PPARGC1A: variants seen among roughly 807,000 people sequenced by gnomAD.
The protein encoded by PPARGC1A is PPARG coactivator 1 alpha, also known as peroxisome proliferator-activated receptor gamma coactivator 1-alpha.
In PPARGC1A, 25 loss-of-function variants were observed where a neutral mutation model predicts 88.7. The observed-to-expected ratio is 0.28, with a 90% CI of 0.21 to 0.39. The LOEUF is 0.39. Ranked by LOEUF, PPARGC1A falls within the 10% of genes least tolerant of loss-of-function variation. The pLI is 1.00. For synonymous variants in PPARGC1A, 363 were observed against 355.6 expected (o/e 1.02, Z -0.24); for missense variants, 880 against 968.7 (o/e 0.91, Z 1.22).
the PPARGC1A span, among the ~76,000 whole-genome samples, chr4:23,936,776 C>G: frequency 2.0e-5 from 3 of 152,084 alleles, no homozygotes; most frequent in African/African-American, 7.2e-5. Flanking sequence ...GAGGCTGAGG[C>G]AGGAGAATCG....
At chr4:24,136,354 A>G in the PPARGC1A span, among the ~76,000 whole-genome samples, 1 of 152,196 alleles carries the variant, frequency 6.6e-6, no homozygotes, top group Non-Finnish European at 1.5e-5. Context: ...ATTTCTGAGG[A>G]GCATGGAAAG....
At chr4:23,964,595 T>G in the PPARGC1A span, among the ~76,000 whole-genome samples, 179 of 152,270 alleles carry the variant, frequency 1.2e-3, no homozygotes, top group Non-Finnish European at 2.2e-3. Flanking sequence ...GATCTGGGTC[T>G]CAAAAGAGAA....
At chr4:23,922,478 T>A in the PPARGC1A span, among the ~76,000 whole-genome samples, 1 of 152,218 alleles carries the variant, frequency 6.6e-6, no homozygotes, top group Non-Finnish European at 1.5e-5. Context: ...AACTCCATCA[T>A]GTTTTAAGAG....
At chr4:24,170,150 G>A in the PPARGC1A span, among the ~76,000 whole-genome samples, 1 of 152,208 alleles carries the variant, frequency 6.6e-6, no homozygotes, top group Non-Finnish European at 1.5e-5. Flanking sequence ...AGCAGGTGGT[G>A]CCACCTGTGC....
chr4:23,961,033 C>T, the PPARGC1A span, among the ~76,000 whole-genome samples: 1 of 152,012 alleles, frequency 6.6e-6, no homozygotes, highest in Non-Finnish European at 1.5e-5. Context: ...AAGAAGATGG[C>T]TAAGAGAATG....
At chr4:24,053,489 A>G in the PPARGC1A span, among the ~76,000 whole-genome samples, 2 of 105,072 alleles carry the variant, frequency 1.9e-5, no homozygotes, top group African/African-American at 5.6e-5. Context: ...ATCCTAAGGA[A>G]AAAATGAGGG....
chr4:24,026,861 G>A, the PPARGC1A span, among the ~76,000 whole-genome samples: 4 of 152,248 alleles, frequency 2.6e-5, no homozygotes, highest in South Asian at 2.1e-4. Flanking sequence ...CGCGCTGCAG[G>A]ACTAAATCTC....
At chr4:24,053,024 C>T in the PPARGC1A span, among the ~76,000 whole-genome samples, 11 of 150,322 alleles carry the variant, frequency 7.3e-5, no homozygotes, top group East Asian at 2.0e-4. Flanking sequence ...CCACCACACC[C>T]GGCTAATTTT....
chr4:24,305,570 T>C, the PPARGC1A span, among the ~76,000 whole-genome samples: 9 of 152,156 alleles, frequency 5.9e-5, no homozygotes, highest in Admixed American at 5.9e-4. Context: ...CCCAGCACTT[T>C]GGGAAGCCGA....
Position 23,890,040 on chromosome 4 carries a change from C to T in PPARGC1A, c.-83G>A. 1 of 1,589,386 alleles carries T rather than the reference C, an allele frequency of 6.3e-7. No individual in the cohort carries two copies. Among genetic ancestry groups the T allele is most frequent in the South Asian group, 1.2e-5 (1 of 86,890 alleles). ...GCACACACTCATGCAGGCAACCAGC[C>T]CCTTACTGAGAGTGAACTGAAGGCA... On this transcript the variant is annotated 5_prime_UTR_variant, in exon 1 of 13. Transcript: ENST00000264867.
At chr4:24,039,836 C>T in the PPARGC1A span, among the ~76,000 whole-genome samples, 1 of 152,138 alleles carries the variant, frequency 6.6e-6, no homozygotes, top group Admixed American at 6.6e-5. Flanking sequence ...GTAGCCACAG[C>T]CACTGCTGCC....
the PPARGC1A span, among the ~76,000 whole-genome samples, chr4:24,094,913 G>A: frequency 2.3e-3 from 347 of 152,176 alleles, 1 homozygote; most frequent in Non-Finnish European, 4.0e-3. Context: ...GCCAAACCAC[G>A]ACACTGACAT....
chr4:23,823,576 C>T (rs1173820682), intron 7 of PPARGC1A, among the ~76,000 whole-genome samples: 1 of 151,986 alleles, frequency 6.6e-6, no homozygotes, highest in African/African-American at 2.4e-5. Context: ...TACTCCTAAA[C>T]ATATATGTAA....
chr4:24,127,955 G>A, the PPARGC1A span, among the ~76,000 whole-genome samples: 2 of 152,114 alleles, frequency 1.3e-5, no homozygotes, highest in African/African-American at 4.8e-5. Flanking sequence ...TTTTTTCTAT[G>A]CCTGTAATAG....
At chr4:24,349,746 A>G in the PPARGC1A span, among the ~76,000 whole-genome samples, 26,060 of 152,178 alleles carry the variant, frequency 0.17, 2,373 homozygotes, top group Non-Finnish European at 0.19. Flanking sequence ...GCGAGAGAAA[A>G]GGGCTTTAGT....
chr4:24,139,411 T>C, the PPARGC1A span, among the ~76,000 whole-genome samples: 1 of 152,140 alleles, frequency 6.6e-6, no homozygotes, highest in Non-Finnish European at 1.5e-5. Flanking sequence ...AATGACACAT[T>C]TCCAGACAAT....
intron 2 of PPARGC1A, among the ~76,000 whole-genome samples, chr4:23,833,877 T>C (rs1323360628): frequency 1.3e-5 from 2 of 152,198 alleles, no homozygotes; most frequent in Non-Finnish European, 1.5e-5. Context: ...AAAACTTTAA[T>C]GCACTTGCAG....
chr4:23,820,742 C>A, intron 7 of PPARGC1A: 1 of 240,714 alleles, frequency 4.2e-6, no homozygotes, highest in South Asian at 4.2e-5. Flanking sequence ...AACTTCCTAT[C>A]TCATCCCTCC....
At chr4:23,970,552 C>T in the PPARGC1A span, among the ~76,000 whole-genome samples, 13 of 152,072 alleles carry the variant, frequency 8.5e-5, no homozygotes, top group African/African-American at 2.7e-4. Flanking sequence ...GGGTAGGTAA[C>T]GGGGTTGGGA....
Sources: allele counts gnomAD v4.1 joint callset (sites outside exome capture counted in the v4.1 genomes callset), GRCh38; gene constraint gnomAD v4.1.1; transcripts MANE v1.5; gene names NCBI Gene and HGNC (gene_info 2026-07-23, HGNC 2026-07-21).